Variants in SLC44A5 observed in about 807,000 individuals in gnomAD.
The protein encoded by SLC44A5 is choline transporter-like protein 5.
SLC44A5 carries 57 observed loss-of-function variants against 101.8 expected under a neutral mutation model. The ratio of observed to expected loss-of-function variants is 0.56; its 90% CI spans 0.45 to 0.70. SLC44A5 has a LOEUF of 0.70. Among genes scored for constraint, SLC44A5 ranks in the 30% least tolerant of loss-of-function variants. The pLI is 0.00. For synonymous variants in SLC44A5, 281 were observed against 290.9 expected (o/e 0.97, Z 0.35); for missense variants, 737 against 853.1 (o/e 0.86, Z 1.70).
chr1:75,286,503 AT>A (rs1653061224), intron 5 of SLC44A5, among the ~76,000 whole-genome samples: 2 of 152,108 alleles, frequency 1.3e-5, no homozygotes, highest in African/African-American at 4.8e-5. Flanking sequence ...GTACTATTCT[AT>A]TCATCATGAT....
intron 13 of SLC44A5, among the ~76,000 whole-genome samples, chr1:75,227,185 G>A (rs1646676663): frequency 6.6e-6 from 1 of 151,910 alleles, no homozygotes; most frequent in African/African-American, 2.4e-5. Flanking sequence ...GGCAACATAG[G>A]GAGACCCCAT....
chr1:75,608,769 C>G (rs1675476930), intron 1 of SLC44A5, among the ~76,000 whole-genome samples: 1 of 151,844 alleles, frequency 6.6e-6, no homozygotes, highest in South Asian at 2.1e-4. Context: ...TCCTCCCCTT[C>G]CACTGCTTCA....
intron 4 of SLC44A5, 84 bp downstream of exon 4, chr1:75,339,498 G>T: frequency 3.7e-6 from 4 of 1,074,114 alleles, no homozygotes; most frequent in South Asian, 1.6e-5. Flanking sequence ...ATTCTCCACT[G>T]ACTGGAAAAC....
At chr1:75,321,487 C>T (rs1456762024) in intron 4 of SLC44A5, among the ~76,000 whole-genome samples, 3 of 149,786 alleles carry the variant, frequency 2.0e-5, no homozygotes, top group African/African-American at 7.4e-5. Context: ...AGAGATCATC[C>T]CTATTGTCTC....
intron 6 of SLC44A5, among the ~76,000 whole-genome samples, chr1:75,267,327 GGTTTTTTTTTCTTT>G (rs1197776422): frequency 2.0e-5 from 3 of 151,724 alleles, no homozygotes; most frequent in Admixed American, 6.6e-5. Flanking sequence ...ATGTTTATCT[GGTTTTTTTTTCTTT>G]TAAAGGGGCT....
At chr1:75,661,404 A>AC in the SLC44A5 span, among the ~76,000 whole-genome samples, 1 of 149,294 alleles carries the variant, frequency 6.7e-6, no homozygotes, top group African/African-American at 2.4e-5. Flanking sequence ...AAAAAAAAAA[A>AC]AAAAAAAAAA....
upstream of SLC44A5, among the ~76,000 whole-genome samples, chr1:75,611,754 C>A (rs1168887289): frequency 6.6e-6 from 1 of 152,056 alleles, no homozygotes; most frequent in Non-Finnish European, 1.5e-5. Context: ...TTGGAACATG[C>A]TCATATCAGG....
intron 3 of SLC44A5, among the ~76,000 whole-genome samples, chr1:75,348,629 C>T (rs1658423445): frequency 6.6e-6 from 1 of 152,128 alleles, no homozygotes; most frequent in African/African-American, 2.4e-5. Flanking sequence ...TTGGAATGTA[C>T]TTTTATTCTA....
chr1:75,239,148 C>T (rs1648387145), intron 9 of SLC44A5, among the ~76,000 whole-genome samples: 1 of 152,068 alleles, frequency 6.6e-6, no homozygotes, highest in Admixed American at 6.6e-5. Context: ...GAATTCTTAA[C>T]AATTTGTCTC....
intron 2 of SLC44A5, among the ~76,000 whole-genome samples, chr1:75,400,893 GC>G (rs1471957779): frequency 6.6e-6 from 1 of 152,202 alleles, no homozygotes; most frequent in Non-Finnish European, 1.5e-5. Context: ...CCACTGCTGT[GC>G]CCTGCTTGCC....
chr1:75,477,928 G>C (rs998810851), intron 2 of SLC44A5, among the ~76,000 whole-genome samples: 34 of 151,962 alleles, frequency 2.2e-4, no homozygotes, highest in African/African-American at 7.3e-4. Context: ...CTCGAGAACA[G>C]CAACTCCAAG....
chr1:75,388,103 C>G (rs1451593859), intron 3 of SLC44A5, among the ~76,000 whole-genome samples: 2 of 135,564 alleles, frequency 1.5e-5, no homozygotes, highest in Non-Finnish European at 3.1e-5. Flanking sequence ...GGAGATATAC[C>G]TAATGCTAGA....
chr1:75,573,521 G>C (rs1312811632), intron 1 of SLC44A5, among the ~76,000 whole-genome samples: 1 of 152,058 alleles, frequency 6.6e-6, no homozygotes, highest in Admixed American at 6.6e-5. Flanking sequence ...AAATAAAATT[G>C]CATGTTTATC....
chr1:75,608,331 A>ATG lies in SLC44A5; in HGVS notation c.-70+2707_-70+2708dup, dbSNP rs113982384. 7.2e-3 allele frequency among the ~76,000 whole-genome samples: 1,066 copies of ATG among 148,662 alleles called. 8 individuals carry two copies. The highest frequency in any genetic ancestry group is 0.026 in the East Asian group (133 of 5,096). ...AATGGATAAACAAAATGTGAGGGGT[A>ATG]TGTGTGTGTGTGTGTGTGTGTTGTG... On this transcript the variant is annotated intron_variant, in intron 1 of 23. Transcript: ENST00000370859.
At chr1:75,429,534 C>A (rs938296232) in intron 2 of SLC44A5, among the ~76,000 whole-genome samples, 1 of 152,092 alleles carries the variant, frequency 6.6e-6, no homozygotes, top group South Asian at 2.1e-4. Flanking sequence ...GGTCTGTTTA[C>A]GTTGCTATAA....
At chr1:75,548,611 AT>A (rs1671777785) in intron 1 of SLC44A5, among the ~76,000 whole-genome samples, 1 of 152,156 alleles carries the variant, frequency 6.6e-6, no homozygotes. Flanking sequence ...GACTCAAAGA[AT>A]ACACATAACA....
the SLC44A5 span, among the ~76,000 whole-genome samples, chr1:75,645,889 A>G: frequency 1.5e-5 from 2 of 135,572 alleles, 1 homozygote; most frequent in Non-Finnish European, 3.3e-5. Context: ...TAAATAGGGA[A>G]CCCTTTCCCC....
chr1:75,565,894 T>C (rs1392361269), intron 1 of SLC44A5, among the ~76,000 whole-genome samples: 8 of 152,198 alleles, frequency 5.3e-5, no homozygotes, highest in Non-Finnish European at 1.0e-4. Flanking sequence ...GCATCTGAAA[T>C]ACAAATTTTT....
At chr1:75,568,482 C>G (rs992946212) in intron 1 of SLC44A5, among the ~76,000 whole-genome samples, 3 of 152,218 alleles carry the variant, frequency 2.0e-5, no homozygotes, top group Non-Finnish European at 2.9e-5. Flanking sequence ...GGCCCAGATA[C>G]AGGAAACAGG....
Sources: allele counts gnomAD v4.1 joint callset (sites outside exome capture counted in the v4.1 genomes callset), GRCh38; gene constraint gnomAD v4.1.1; transcripts MANE v1.5; gene names NCBI Gene and HGNC (gene_info 2026-07-23, HGNC 2026-07-21).